TMBIM4: variants seen among roughly 807,000 people sequenced by gnomAD.
The protein encoded by TMBIM4 is protein lifeguard 4.
Under a neutral mutation model 27.7 loss-of-function variants are expected in TMBIM4, and 28 were observed. The observed-to-expected ratio is 1.01, with a 90% CI of 0.75 to 1.38. The LOEUF is 1.38. TMBIM4 is among the 40% of genes most tolerant of loss of function. The pLI, the probability that TMBIM4 is intolerant of heterozygous loss-of-function variation, is 0.00. For synonymous variants in TMBIM4, 115 were observed against 113.1 expected, an observed-to-expected ratio of 1.02 and a Z score of -0.11; for missense variants, 265 against 277.5, an observed-to-expected ratio of 0.95 and a Z score of 0.32.
rs1004789029 is a variant in TMBIM4, at chr12:66,139,649, G to A, written c.465-880C>T. 2.9e-5 allele frequency: 13 copies of A among 456,006 alleles called. No individual in the cohort carries two copies. The East Asian group carries it at 8.3e-4, about 29-fold the overall frequency. 28.2% of individuals were successfully genotyped at this position (456,006 alleles called of 1,614,324 possible). On this transcript the variant is annotated intron_variant, in intron 5 of 6. Transcript: ENST00000358230. ...GAAGCCAAGGTAGCTAGAATTTGCA[G>A]GGCAGAATATCAGAAAGAAGAGAAC...
intron 1 of TMBIM4, among the ~76,000 whole-genome samples, chr12:66,157,891 CTTA>C (rs931870582): frequency 2.0e-5 from 3 of 152,094 alleles, no homozygotes; most frequent in Admixed American, 6.6e-5. Flanking sequence ...CTTCTTGCTG[CTTA>C]TACTAAAATA....
intron 5 of TMBIM4, chr12:66,139,021 G>A (rs1181292436): frequency 1.2e-5 from 4 of 329,818 alleles, no homozygotes; most frequent in Non-Finnish European, 1.6e-5. Flanking sequence ...TATAATTTGT[G>A]AAGTTTTGGA....
At chr12:66,139,208 C>A (rs1219095549) in intron 5 of TMBIM4, among the ~76,000 whole-genome samples, 1 of 152,098 alleles carries the variant, frequency 6.6e-6, no homozygotes, top group East Asian at 1.9e-4. Flanking sequence ...CCATTTTATT[C>A]TTATGTATTA....
chr12:66,157,083 T>C (rs1216054565), intron 1 of TMBIM4, among the ~76,000 whole-genome samples: 1 of 152,114 alleles, frequency 6.6e-6, no homozygotes, highest in Non-Finnish European at 1.5e-5. Context: ...GCCACAAATA[T>C]ACTATATATC....
chr12:66,169,274 C>T (rs1373361820), intron 1 of TMBIM4: 2 of 699,726 alleles, frequency 2.9e-6, no homozygotes, highest in East Asian at 5.4e-5. Flanking sequence ...TAACTTAAAA[C>T]ACAATTTAGA....
At chr12:66,144,122 A>T (rs545035372) in intron 5 of TMBIM4, among the ~76,000 whole-genome samples, 1 of 152,198 alleles carries the variant, frequency 6.6e-6, no homozygotes, top group Admixed American at 6.5e-5. Flanking sequence ...GTATCACCCA[A>T]CTGCTTGGTG....
chr12:66,146,316 A>T (rs1468431938), intron 4 of TMBIM4, among the ~76,000 whole-genome samples: 1 of 152,180 alleles, frequency 6.6e-6, no homozygotes, highest in Non-Finnish European at 1.5e-5. Context: ...GTGATTGTCC[A>T]TTATGGTTTA....
At chr12:66,140,496 C>T (rs2051651243) in intron 5 of TMBIM4, among the ~76,000 whole-genome samples, 1 of 151,970 alleles carries the variant, frequency 6.6e-6, no homozygotes, top group South Asian at 2.1e-4. Flanking sequence ...AAAAACAGAA[C>T]AGTGAATTAG....
rs889112005 is a variant in TMBIM4, at chr12:66,136,649, A to G, written c.*1311T>C. 1 of 134,970 alleles carries G rather than the reference A, an allele frequency of 7.4e-6. No individual in the cohort carries two copies. The highest frequency in any genetic ancestry group is 2.2e-4 in the East Asian group (1 of 4,498). 8.4% of individuals were successfully genotyped at this position (134,970 alleles called of 1,614,324 possible). On this transcript the variant is annotated 3_prime_UTR_variant, in exon 7 of 7. Coordinates refer to ENST00000358230, the MANE Select transcript of TMBIM4 (RefSeq NM_016056.4). Reference sequence around the variant, plus strand: ...ATAAGAAGAAGAAATTTGGGCACAGACAAGTACAGAGGGAAGGCCATTTAA... The same window carrying G: ...ATAAGAAGAAGAAATTTGGGCACAGGCAAGTACAGAGGGAAGGCCATTTAA...
At chr12:66,146,268 G>C (rs1171134497) in intron 4 of TMBIM4, among the ~76,000 whole-genome samples, 1 of 152,192 alleles carries the variant, frequency 6.6e-6, no homozygotes, top group Non-Finnish European at 1.5e-5. Context: ...GTGATTCTCA[G>C]CCATCTCTGT....
intron 5 of TMBIM4, among the ~76,000 whole-genome samples, chr12:66,142,983 T>A (rs1164501011): frequency 6.6e-6 from 1 of 152,168 alleles, no homozygotes; most frequent in Non-Finnish European, 1.5e-5. Context: ...ACACTTAGGC[T>A]CCCTGGTTAA....
intron 1 of TMBIM4, among the ~76,000 whole-genome samples, chr12:66,167,990 T>C (rs2052159783): frequency 6.6e-6 from 1 of 151,596 alleles, no homozygotes; most frequent in Admixed American, 6.6e-5. Flanking sequence ...GAGGCTGAGG[T>C]GGGAGGATCG....
chr12:66,151,256 T>C (rs905000399), intron 3 of TMBIM4, among the ~76,000 whole-genome samples: 3 of 152,148 alleles, frequency 2.0e-5, no homozygotes, highest in Non-Finnish European at 2.9e-5. Flanking sequence ...TTGTCTGAGA[T>C]GGGGTCTCAC....
At chr12:66,152,069 A>AT (rs1324534982) in intron 3 of TMBIM4, among the ~76,000 whole-genome samples, 1 of 152,122 alleles carries the variant, frequency 6.6e-6, no homozygotes, top group Non-Finnish European at 1.5e-5. Context: ...CCAATTCAGC[A>AT]TTTTTTCCAC....
In TMBIM4 at chr12:66,169,842, G is replaced by A. The variant is rs77200887; in HGVS notation, c.97+13C>T. ...ACAAGCGGCTGGGAGGCACTGGAGA[G>A]GGGACAACGTACCCATTCGGATGTG... is the stretch of plus-strand genomic sequence containing the variant. On this transcript the variant is annotated intron_variant, in intron 1 of 6. Transcript: ENST00000358230. The A allele has an allele frequency of 2.0e-6, 3 of 1,509,352 alleles. No individual in the cohort carries two copies. Among genetic ancestry groups the A allele is most frequent in the Admixed American group, 2.3e-5 (1 of 43,380 alleles). The allele number at this position is 1,509,352 out of a possible 1,614,324, so 93.5% of individuals were successfully genotyped here. A position where few individuals can be genotyped will look rare whatever the true frequency, so the allele number is the denominator to read the frequency against.
intron 5 of TMBIM4, among the ~76,000 whole-genome samples, chr12:66,143,532 A>G (rs1592535868): frequency 6.6e-6 from 1 of 152,182 alleles, no homozygotes; most frequent in East Asian, 1.9e-4. Flanking sequence ...ATAAGCTGGC[A>G]CAAGGCAACT....
At chr12:66,138,693 A>G in intron 6 of TMBIM4, 31 bp downstream of exon 6, 1 of 1,507,054 alleles carries the variant, frequency 6.6e-7, no homozygotes, top group Non-Finnish European at 8.9e-7. Context: ...CCAGAATTAT[A>G]TTTCAAATTA....
chr12:66,163,574 T>C (rs1291650652), intron 1 of TMBIM4, among the ~76,000 whole-genome samples: 1 of 152,046 alleles, frequency 6.6e-6, no homozygotes, highest in Non-Finnish European at 1.5e-5. Flanking sequence ...TGTGAGAACT[T>C]ACTATCACAA....
rs1374387383 is a variant in TMBIM4, at chr12:66,136,417, ATAC to A, written c.*1540_*1542del. ...CTACAAATCATGCAAGCTTAAATTG[ATAC>A]TACAAGTTTATTTCAACTTAATAGC... On this transcript the variant is annotated 3_prime_UTR_variant, in exon 7 of 7. Coordinates refer to ENST00000358230, the MANE Select transcript of TMBIM4 (RefSeq NM_016056.4). 7 of 154,290 alleles carry A rather than the reference ATAC, an allele frequency of 4.5e-5. No individual in the cohort carries two copies. Among genetic ancestry groups the A allele is most frequent in the Admixed American group, 3.9e-4 (6 of 15,274 alleles). 9.6% of individuals were successfully genotyped at this position (154,290 alleles called of 1,614,324 possible). A position where few individuals can be genotyped will look rare whatever the true frequency, so the allele number is the denominator to read the frequency against.
Sources: gnomAD v4.1 joint callset for allele counts (sites outside exome capture counted in the v4.1 genomes callset) on GRCh38, gnomAD v4.1.1 for gene constraint, MANE v1.5 for transcripts, NCBI Gene and HGNC (gene_info 2026-07-23, HGNC 2026-07-21) for gene names.